The following NALF1 variants were observed in gnomAD, a reference collection of about 807,000 sequenced individuals.
NALF1 encodes NALCN channel auxiliary factor 1.
Under a neutral mutation model 48.4 loss-of-function variants are expected in NALF1, and 3 were observed. That is an observed-to-expected ratio of 0.06 (90% CI 0.03 to 0.16). The LOEUF is 0.16. NALF1 is among the 10% of genes least tolerant of loss of function. The pLI is 1.00. For missense variants in NALF1, 526 were observed against 571.5 expected, an observed-to-expected ratio of 0.92 and a Z score of 0.81; for synonymous variants, 262 against 245.7, an observed-to-expected ratio of 1.07 and a Z score of -0.62.
At chr13:107,818,850 C>T (rs891925588) in intron 1 of NALF1, among the ~76,000 whole-genome samples, 8 of 94,776 alleles carry the variant, frequency 8.4e-5, no homozygotes, top group Non-Finnish European at 1.5e-4. Context: ...CCAGCCTGGG[C>T]GACAGAGCGA....
chr13:107,469,904 C>A (rs1037479092), intron 1 of NALF1, among the ~76,000 whole-genome samples: 1 of 151,614 alleles, frequency 6.6e-6, no homozygotes, highest in African/African-American at 2.4e-5. Context: ...CCACCACGCC[C>A]GGCTAATTTT....
chr13:107,603,832 C>T (rs907211476), intron 1 of NALF1, among the ~76,000 whole-genome samples: 4 of 152,084 alleles, frequency 2.6e-5, no homozygotes, highest in Admixed American at 2.0e-4. Context: ...GCTTTTTGCA[C>T]GTTTAGACAC....
At chr13:107,858,275 T>C (rs1333724794) in intron 1 of NALF1, among the ~76,000 whole-genome samples, 1 of 152,260 alleles carries the variant, frequency 6.6e-6, no homozygotes, top group Non-Finnish European at 1.5e-5. Context: ...TTGTAAAATG[T>C]ATAAGACAGT....
chr13:107,297,448 TCTACAAGTTAAAGGGAA>T (rs1881747438), intron 1 of NALF1, among the ~76,000 whole-genome samples: 2 of 152,176 alleles, frequency 1.3e-5, no homozygotes, highest in Admixed American at 1.3e-4. Flanking sequence ...TACTTCCATT[TCTACAAGTTAAAGGGAA>T]GGATATCTGA....
At chr13:107,787,958 A>C (rs943700082) in intron 1 of NALF1, among the ~76,000 whole-genome samples, 1 of 152,164 alleles carries the variant, frequency 6.6e-6, no homozygotes, top group Non-Finnish European at 1.5e-5. Flanking sequence ...TTAGATGTGC[A>C]TCTGCCAACC....
intron 1 of NALF1, among the ~76,000 whole-genome samples, chr13:107,471,907 G>T (rs1885106899): frequency 6.6e-6 from 1 of 152,124 alleles, no homozygotes; most frequent in Admixed American, 6.5e-5. Flanking sequence ...ATATGTTTTT[G>T]TCTCTCCAAT....
chr13:107,203,414 A>C (rs1029722605), intron 2 of NALF1, among the ~76,000 whole-genome samples: 1 of 152,194 alleles, frequency 6.6e-6, no homozygotes, highest in Non-Finnish European at 1.5e-5. Context: ...CCAGCTCAGC[A>C]GTGCAGGCGC....
rs185034493 is a variant in NALF1 at position 107,667,590 on chromosome 13, G to C, written c.915+198092C>G. Among the ~76,000 whole-genome samples the C allele has an allele frequency of 3.3e-5, 5 of 152,178 alleles. No homozygotes were observed. In the East Asian group the frequency reaches 9.6e-4, roughly 29 times the overall value. On this transcript the variant is annotated intron_variant, in intron 1 of 2. Transcript: ENST00000375915. ...TTCTTAAAGCATATCTGAAGGTAGA[G>C]AAGTAGTATGAAGGAAAGTGCAGTG...
At chr13:107,335,201 C>T (rs906204417) in intron 1 of NALF1, among the ~76,000 whole-genome samples, 1 of 152,106 alleles carries the variant, frequency 6.6e-6, no homozygotes, top group Non-Finnish European at 1.5e-5. Context: ...TAAGAAGGAA[C>T]TAGGCACCAA....
chr13:107,187,377 A>T (rs16969795), intron 2 of NALF1, among the ~76,000 whole-genome samples: 1,575 of 152,222 alleles, frequency 0.01, 25 homozygotes, highest in African/African-American at 0.035. Flanking sequence ...CTTATATAGG[A>T]TGGATCCTGG....
intron 1 of NALF1, among the ~76,000 whole-genome samples, chr13:107,615,477 T>C (rs1879355487): frequency 8.5e-5 from 13 of 152,194 alleles, no homozygotes. Context: ...CTCTGTTTCT[T>C]ATAATTATCT....
chr13:107,305,154 T>C (rs1019718852), intron 1 of NALF1, among the ~76,000 whole-genome samples: 3 of 152,226 alleles, frequency 2.0e-5, no homozygotes, highest in African/African-American at 7.2e-5. Context: ...TCATACCTCA[T>C]TGCAGAGTTA....
chr13:107,468,514 T>C (rs975628386), intron 1 of NALF1, among the ~76,000 whole-genome samples: 2 of 152,228 alleles, frequency 1.3e-5, no homozygotes, highest in African/African-American at 4.8e-5. Context: ...GTGTGCAAGT[T>C]GCCTCTTTTT....
At chr13:107,813,982 T>G (rs185954309) in intron 1 of NALF1, among the ~76,000 whole-genome samples, 2 of 152,150 alleles carry the variant, frequency 1.3e-5, no homozygotes, top group Non-Finnish European at 2.9e-5. Flanking sequence ...TTTGAGCTTA[T>G]GGCATGAGAA....
At chr13:107,512,133 G>T (rs574047696) in intron 1 of NALF1, among the ~76,000 whole-genome samples, 2 of 152,202 alleles carry the variant, frequency 1.3e-5, no homozygotes, top group African/African-American at 4.8e-5. Flanking sequence ...CGTGGCTCAC[G>T]CCTGTAATCC....
At chr13:107,638,443 T>C (rs183653868) in intron 1 of NALF1, among the ~76,000 whole-genome samples, 39 of 152,076 alleles carry the variant, frequency 2.6e-4, no homozygotes, top group Admixed American at 5.3e-4. Context: ...GCATGCTGAC[T>C]ATATGCTGGA....
chr13:107,736,117 A>G (rs1382221244), intron 1 of NALF1, among the ~76,000 whole-genome samples: 5 of 152,128 alleles, frequency 3.3e-5, no homozygotes, highest in Non-Finnish European at 7.3e-5. Context: ...ATAAAATGTA[A>G]CAAAACAAAG....
At position 107,585,519 on chromosome 13, in the gene NALF1, T is replaced by C. The variant is rs1190297085; in HGVS notation, c.915+280163A>G. 2.0e-5 allele frequency among the ~76,000 whole-genome samples: 3 copies of C among 152,070 alleles called. No homozygotes were observed. In the East Asian group the frequency reaches 5.8e-4, roughly 29 times the overall value. On this transcript the variant is annotated intron_variant, in intron 1 of 2. Coordinates refer to ENST00000375915, the MANE Select transcript of NALF1 (RefSeq NM_001080396.3). ...AGGCAAAGGAGAAAGCTTCTGTGTT[T>C]TTCTTTTCTTAAGGAAAAAATATGA...
At chr13:107,691,434 G>A (rs547624826) in intron 1 of NALF1, among the ~76,000 whole-genome samples, 44 of 152,280 alleles carry the variant, frequency 2.9e-4, no homozygotes, top group African/African-American at 9.6e-4. Context: ...TGATCGATAC[G>A]GACTGAATCA....
Sources: allele counts gnomAD v4.1 joint callset (sites outside exome capture counted in the v4.1 genomes callset), GRCh38; gene constraint gnomAD v4.1.1; transcripts MANE v1.5; gene names NCBI Gene and HGNC (gene_info 2026-07-23, HGNC 2026-07-21).